Variants in PGA5 observed in about 807,000 individuals in gnomAD.
PGA5 encodes the protein pepsinogen A5.
PGA5 carries 19 observed loss-of-function variants against 15.9 expected under a neutral mutation model. That is an observed-to-expected ratio of 1.19 (90% CI 0.83 to 1.75). The LOEUF (loss-of-function observed/expected upper bound fraction) is 1.75. PGA5 is among the 40% of genes most tolerant of loss of function. The probability of loss-of-function intolerance (pLI) is 0.00; values close to 1 mark genes in which losing one functional copy is unlikely to be tolerated. For synonymous variants in PGA5, 92 were observed against 95.8 expected (o/e 0.96, Z 0.23); for missense variants, 224 against 246.4 (o/e 0.91, Z 0.61).
intron 5 of PGA5, 172 bp from the exon 6 acceptor site, chr11:61,248,247 A>T: frequency 6.8e-7 from 1 of 1,466,640 alleles, no homozygotes; most frequent in Non-Finnish European, 9.6e-7. Context: ...AACAACAGTG[A>T]CGGTGCCCAC....
At chr11:61,251,044 G>A (rs557596240) in intron 8 of PGA5, 88 bp from the exon 9 acceptor site, 1 of 1,609,812 alleles carries the variant, frequency 6.2e-7, no homozygotes, top group Admixed American at 1.7e-5. Context: ...CCTTACAGCT[G>A]GACCAGGGCT....
At chr11:61,249,313 C>T (rs925982798) in intron 6 of PGA5, 1 of 409,176 alleles carries the variant, frequency 2.4e-6, no homozygotes, top group African/African-American at 2.1e-5. Flanking sequence ...TCCCCTCCAC[C>T]ACCTCTCACC....
At chr11:61,247,901 C>T (rs1854086670) in intron 5 of PGA5, among the ~76,000 whole-genome samples, 1 of 152,002 alleles carries the variant, frequency 6.6e-6, no homozygotes, top group Admixed American at 6.5e-5. Context: ...GGATGTTTGG[C>T]AGCATCCCCA....
chr11:61,250,576 A>G, intron 8 of PGA5: 1 of 457,644 alleles, frequency 2.2e-6, no homozygotes, highest in Middle Eastern at 5.6e-4. Flanking sequence ...GTGGAAAACT[A>G]ATTTTGCCAG....
intron 8 of PGA5, among the ~76,000 whole-genome samples, chr11:61,250,868 T>A (rs1230955366): frequency 1.3e-5 from 2 of 151,976 alleles, no homozygotes. Flanking sequence ...CTAAGCCCCT[T>A]AGCACCGATG....
At chr11:61,250,890 G>A (rs1399068560) in intron 8 of PGA5, among the ~76,000 whole-genome samples, 1 of 151,976 alleles carries the variant, frequency 6.6e-6, no homozygotes, top group Non-Finnish European at 1.5e-5. Context: ...TGATGTCAGG[G>A]TTCGTGTGCC....
chr11:61,248,078 G>A, intron 5 of PGA5: 1 of 625,616 alleles, frequency 1.6e-6, no homozygotes, highest in Non-Finnish European at 2.8e-6. Context: ...CACTTCCCTG[G>A]GGTCCCCATG....
chr11:61,251,253 A>G lies in PGA5; in HGVS notation c.1139A>G (p.Asn380Ser), dbSNP rs1854137662. 6.2e-7 allele frequency: 1 copy of G among 1,611,772 alleles called. No homozygotes were observed. Among genetic ancestry groups the G allele is most frequent in the Non-Finnish European group, 8.5e-7 (1 of 1,179,846 alleles). Residue 380 changes from asparagine (N) to serine (S), a missense_variant, in exon 9 of 9, where the codon AAC (asparagine) becomes AGC (serine). Coordinates refer to ENST00000312403, the MANE Select transcript of PGA5 (RefSeq NM_014224.5). ...QYFTVFDRAN[N>S]QVGLAPVA The stretch of plus-strand genomic sequence containing the variant: ...TTTACCGTCTTCGACAGGGCAAACA[A>G]CCAGGTCGGCCTGGCCCCTGTGGCT...
At position 61,249,855 on chromosome 11, in the gene PGA5, G is replaced by T. The variant is rs1373962403; in HGVS notation, c.918+42G>T. On this transcript the variant is annotated intron_variant, in intron 7 of 8. Coordinates refer to ENST00000312403, the MANE Select transcript of PGA5 (RefSeq NM_014224.5). ...CTGCCCTGTTCTACACTCAAGTAGT[G>T]GGTGTGCCAGGCAGAAGCGACGAAA... 1.9e-6 allele frequency: 3 copies of T among 1,613,584 alleles called. No individual in the cohort carries two copies. In the South Asian group the frequency reaches 3.3e-5, roughly 18 times the overall value.
intron 5 of PGA5, among the ~76,000 whole-genome samples, chr11:61,247,530 G>GC (rs1468292123): frequency 6.6e-6 from 1 of 151,936 alleles, no homozygotes; most frequent in Non-Finnish European, 1.5e-5. Flanking sequence ...ACCTGCCTTG[G>GC]CCTCACAAAG....
At chr11:61,248,674 G>A in intron 6 of PGA5, 139 bp downstream of exon 6, 2 of 1,553,804 alleles carry the variant, frequency 1.3e-6, no homozygotes, top group Non-Finnish European at 1.8e-6. Context: ...GAAGGTGGAA[G>A]TTGGCCAAGC....
chr11:61,249,629 C>A (rs905415343), intron 6 of PGA5, 40 bp from the exon 7 acceptor site: 2 of 1,613,588 alleles, frequency 1.2e-6, no homozygotes, highest in Admixed American at 3.3e-5. Context: ...GAGATGAACC[C>A]CTGAGGGCTC....
At chr11:61,248,228 G>T (rs1005688728) in intron 5 of PGA5, 191 bp from the exon 6 acceptor site, 1 of 1,380,924 alleles carries the variant, frequency 7.2e-7, no homozygotes, top group South Asian at 1.2e-5. Context: ...TGTCCTCATG[G>T]TAAGTGGAAA....
Position 61,251,335 on chromosome 11 carries a change from A to G in PGA5, c.*54A>G. 1.9e-6 allele frequency: 3 copies of G among 1,611,244 alleles called. No homozygotes were observed. In the South Asian group the frequency reaches 3.3e-5, roughly 18 times the overall value. On this transcript the variant is annotated 3_prime_UTR_variant, in exon 9 of 9. Transcript: ENST00000312403. Reference sequence around the variant, plus strand: ...AAGATCTGGCCTCCGTCCTATGCCCACTTTAGATGTATCTAATTCTCCTGA... The same window carrying G: ...AAGATCTGGCCTCCGTCCTATGCCCGCTTTAGATGTATCTAATTCTCCTGA...
In PGA5 at chr11:61,248,405, C is replaced by T. The variant is rs551033374; in HGVS notation, c.657-14C>T. On this transcript the variant is annotated splice_polypyrimidine_tract_variant and intron_variant, in intron 5 of 8. Coordinates refer to ENST00000312403, the MANE Select transcript of PGA5 (RefSeq NM_014224.5). ...AACAAAAAAATTCATGTCTTCTCCCCTCACTTTCCACAGCGATGACAAGAG... is the reference window on the plus strand; with the variant it reads ...AACAAAAAAATTCATGTCTTCTCCCTTCACTTTCCACAGCGATGACAAGAG... 4.0e-5 allele frequency: 65 copies of T among 1,613,860 alleles called. No individual in the cohort carries two copies. Among genetic ancestry groups the T allele is most frequent in the Non-Finnish European group, 5.2e-5 (61 of 1,179,876 alleles).
intron 8 of PGA5, 82 bp from the exon 9 acceptor site, chr11:61,251,050 G>A: frequency 6.2e-7 from 1 of 1,610,410 alleles, no homozygotes; most frequent in Non-Finnish European, 8.5e-7. Flanking sequence ...AGCTGGACCA[G>A]GGCTCCCTGG....
At chr11:61,247,559 G>A (rs1000278023) in intron 5 of PGA5, among the ~76,000 whole-genome samples, 17 of 152,162 alleles carry the variant, frequency 1.1e-4, no homozygotes, top group Non-Finnish European at 2.1e-4. Context: ...TTACAGGCAT[G>A]AGCCACCACG....
At chr11:61,251,076 C>A (rs978321593) in intron 8 of PGA5, 56 bp from the exon 9 acceptor site, 1 of 1,611,632 alleles carries the variant, frequency 6.2e-7, no homozygotes, top group Non-Finnish European at 8.5e-7. Flanking sequence ...TATCACCCAG[C>A]GCCTATCACG....
chr11:61,249,506 A>T, intron 6 of PGA5, 163 bp from the exon 7 acceptor site: 1 of 1,328,370 alleles, frequency 7.5e-7, no homozygotes, highest in Non-Finnish European at 1.0e-6. Context: ...TTTGTAGGGT[A>T]AATGAATGCG....
Sources: gnomAD v4.1 joint callset for allele counts (sites outside exome capture counted in the v4.1 genomes callset) on GRCh38, gnomAD v4.1.1 for gene constraint, MANE v1.5 for transcripts, NCBI Gene and HGNC (gene_info 2026-07-23, HGNC 2026-07-21) for gene names.